SV2C: variants seen among roughly 807,000 people sequenced by gnomAD.
The protein encoded by SV2C is solute carrier family 22 member B3.
SV2C carries 49 observed loss-of-function variants against 79.7 expected under a neutral mutation model. That is an observed-to-expected ratio of 0.61 (90% confidence interval 0.49 to 0.78). The LOEUF (loss-of-function observed/expected upper bound fraction) is 0.78. Ranked by LOEUF, SV2C falls within the 30% of genes least tolerant of loss-of-function variation. SV2C has a pLI of 0.00. For missense variants in SV2C, 833 were observed against 912.9 expected (o/e 0.91, Z 1.13); for synonymous variants, 334 against 333.2 (o/e 1.00, Z -0.03).
intron 4 of SV2C, among the ~76,000 whole-genome samples, chr5:76,252,651 T>C (rs1011883572): frequency 1.3e-5 from 2 of 152,230 alleles, no homozygotes; most frequent in African/African-American, 4.8e-5. Context: ...TAATAAATCC[T>C]TTTGTGGTCA....
Position 76,325,616 on chromosome 5 carries a change from G to A in SV2C, c.*69G>A. On this transcript the variant is annotated 3_prime_UTR_variant, in exon 13 of 13. Transcript: ENST00000502798. ...GGGTCAATTCTCCTTCCTGACTCAA[G>A]GCTTCAGAGTTTTCCTATATAGAAA... The A allele has an allele frequency of 1.3e-6, 2 of 1,574,640 alleles. No homozygotes were observed. The highest frequency in any genetic ancestry group is 1.2e-5 in the South Asian group (1 of 84,306).
At chr5:75,916,254 T>C in the SV2C span, among the ~76,000 whole-genome samples, 1 of 148,028 alleles carries the variant, frequency 6.8e-6, no homozygotes, top group Non-Finnish European at 1.5e-5. Context: ...CTCCTTGTCC[T>C]CTTTCTCCTC....
chr5:76,112,008 CA>C lies in SV2C; in HGVS notation c.-101-19636del, dbSNP rs545078557. ...ATATCAAAGGCTCTGAGAAGGCCTG[CA>C]AAAAAGTTTTAACTTTGCTTAACTT... On this transcript the variant is annotated intron_variant, in intron 1 of 12. Transcript: ENST00000502798. 2.5e-4 allele frequency among the ~76,000 whole-genome samples: 38 copies of C among 152,208 alleles called. No homozygotes were observed. The East Asian group carries it at 6.6e-3, about 26-fold the overall frequency.
chr5:75,938,010 G>A, the SV2C span, among the ~76,000 whole-genome samples: 1 of 152,212 alleles, frequency 6.6e-6, no homozygotes, highest in East Asian at 1.9e-4. Context: ...GGCAACACAA[G>A]TATAGGTTTT....
At chr5:76,062,707 A>G in the SV2C span, among the ~76,000 whole-genome samples, 1 of 152,080 alleles carries the variant, frequency 6.6e-6, no homozygotes, top group Admixed American at 6.6e-5. Context: ...CTTGGCAAAA[A>G]CATCAGTGAA....
rs756605545 is a variant in SV2C at position 76,291,758 on chromosome 5, T to C, written c.1249-10T>C. 4.4e-6 allele frequency: 7 copies of C among 1,596,510 alleles called. No individual in the cohort carries two copies. Among genetic ancestry groups the C allele is most frequent in the African/African-American group, 2.7e-5 (2 of 74,694 alleles). ...CTGCATGAGAAAACTAACTCTCTAA[T>C]ATTTCACAGATTTGGTTGACTTTTA... On this transcript the variant is annotated splice_polypyrimidine_tract_variant and intron_variant, in intron 7 of 12. Coordinates refer to ENST00000502798, the MANE Select transcript of SV2C (RefSeq NM_014979.4).
At chr5:76,283,084 G>T (rs770206688) in intron 4 of SV2C, among the ~76,000 whole-genome samples, 1 of 151,854 alleles carries the variant, frequency 6.6e-6, no homozygotes, top group African/African-American at 2.4e-5. Context: ...GAAGGCTGAG[G>T]TGGGCAGATC....
the SV2C span, among the ~76,000 whole-genome samples, chr5:75,913,265 G>A: frequency 6.6e-6 from 1 of 152,196 alleles, no homozygotes; most frequent in Non-Finnish European, 1.5e-5. Flanking sequence ...CTGATCCAGC[G>A]AGTAGGATAT....
At chr5:75,889,185 T>TA in the SV2C span, among the ~76,000 whole-genome samples, 1 of 151,428 alleles carries the variant, frequency 6.6e-6, no homozygotes, top group African/African-American at 2.4e-5. Context: ...TTGCTGCATC[T>TA]ATCAACTCGT....
At chr5:75,993,664 C>T in the SV2C span, among the ~76,000 whole-genome samples, 1 of 151,976 alleles carries the variant, frequency 6.6e-6, no homozygotes, top group Non-Finnish European at 1.5e-5. Context: ...GAATTTCTGG[C>T]CCTGGGTTAC....
At chr5:76,018,748 T>C in the SV2C span, among the ~76,000 whole-genome samples, 4 of 152,150 alleles carry the variant, frequency 2.6e-5, no homozygotes, top group Non-Finnish European at 5.9e-5. Context: ...AGGAAAAATA[T>C]TTGTTTAGAC....
chr5:75,958,245 G>A, the SV2C span, among the ~76,000 whole-genome samples: 2 of 151,956 alleles, frequency 1.3e-5, no homozygotes, highest in Non-Finnish European at 2.9e-5. Flanking sequence ...TGTGACCAGA[G>A]ATGCTTATTG....
At chr5:76,026,126 G>A in the SV2C span, among the ~76,000 whole-genome samples, 175 of 150,896 alleles carry the variant, frequency 1.2e-3, 1 homozygote, top group African/African-American at 4.1e-3. Flanking sequence ...ATTGAGCATG[G>A]AAAAGGATTG....
chr5:75,888,339 A>T, the SV2C span, among the ~76,000 whole-genome samples: 1 of 148,388 alleles, frequency 6.7e-6, no homozygotes, highest in African/African-American at 2.5e-5. Context: ...TTTAAAAAAA[A>T]AAAAATTTTT....
intron 1 of SV2C, among the ~76,000 whole-genome samples, chr5:76,104,766 G>A (rs922238475): frequency 4.6e-5 from 7 of 152,210 alleles, no homozygotes; most frequent in African/African-American, 1.7e-4. Context: ...ACTAGAGGGA[G>A]ATGAGAGAGA....
the SV2C span, among the ~76,000 whole-genome samples, chr5:75,948,297 A>C: frequency 3.3e-5 from 5 of 151,982 alleles, no homozygotes; most frequent in African/African-American, 9.7e-5. Flanking sequence ...ATGTTTGGGA[A>C]TGATAATTAA....
intron 4 of SV2C, among the ~76,000 whole-genome samples, chr5:76,271,619 T>C (rs1746866365): frequency 9.8e-6 from 1 of 102,342 alleles, no homozygotes; most frequent in African/African-American, 4.9e-5. Flanking sequence ...ATGTGTTCTT[T>C]TTTTTTTTTT....
chr5:76,241,157 A>T (rs1353096082), intron 4 of SV2C, among the ~76,000 whole-genome samples: 1 of 147,860 alleles, frequency 6.8e-6, no homozygotes, highest in Admixed American at 6.8e-5. Flanking sequence ...GGGTTTCACC[A>T]TGTTGTCCAG....
the SV2C span, among the ~76,000 whole-genome samples, chr5:75,920,121 A>G: frequency 3.9e-5 from 6 of 152,222 alleles, no homozygotes; most frequent in Non-Finnish European, 8.8e-5. Context: ...GTAAGAATCT[A>G]TGGACAGGAA....
Sources: allele counts gnomAD v4.1 joint callset (sites outside exome capture counted in the v4.1 genomes callset), GRCh38; gene constraint gnomAD v4.1.1; transcripts MANE v1.5; gene names NCBI Gene and HGNC (gene_info 2026-07-23, HGNC 2026-07-21).